The following TNKS2 variants were observed in gnomAD, a reference collection of about 807,000 sequenced individuals.
The protein encoded by TNKS2 is tankyrase 2, also known as poly [ADP-ribose] polymerase tankyrase-2.
Under a neutral mutation model 137.6 loss-of-function variants are expected in TNKS2, and 72 were observed. That is an observed-to-expected ratio of 0.52 (90% CI 0.43 to 0.64). The LOEUF (loss-of-function observed/expected upper bound fraction) is 0.64. Among genes scored for constraint, TNKS2 ranks in the 30% least tolerant of loss-of-function variants. The pLI, the probability that TNKS2 is intolerant of heterozygous loss-of-function variation, is 0.00. For missense variants in TNKS2, 1,049 were observed against 1,410.2 expected, an observed-to-expected ratio of 0.74 and a Z score of 4.10; for synonymous variants, 516 against 512.1, an observed-to-expected ratio of 1.01 and a Z score of -0.10.
intron 17 of TNKS2, 134 bp downstream of exon 17, chr10:91,845,162 A>T: frequency 1.5e-6 from 1 of 678,668 alleles, no homozygotes; most frequent in Non-Finnish European, 2.6e-6. Context: ...AAGTTAAATA[A>T]CTTCCAAATT....
At chr10:91,806,725 A>G (rs985629612) in intron 1 of TNKS2, among the ~76,000 whole-genome samples, 9 of 152,356 alleles carry the variant, frequency 5.9e-5, no homozygotes, top group Admixed American at 2.0e-4. Flanking sequence ...GGTTAATTCC[A>G]ATTACCATAT....
At chr10:91,831,508 T>A (rs1334296976) in intron 11 of TNKS2, among the ~76,000 whole-genome samples, 3 of 152,208 alleles carry the variant, frequency 2.0e-5, no homozygotes, top group Admixed American at 1.3e-4. Context: ...CTTCTAATTC[T>A]TGGTTGTCAT....
rs574380261 is a variant in TNKS2 at position 91,848,296 on chromosome 10, T to G, written c.2359-87T>G. The G allele has an allele frequency of 7.1e-5, 100 of 1,404,644 alleles. No individual in the cohort carries two copies. In the African/African-American group the frequency reaches 1.4e-3, roughly 20 times the overall value. The allele number at this position is 1,404,644 out of a possible 1,614,324, so 87.0% of individuals were successfully genotyped here. A position where few individuals can be genotyped will look rare whatever the true frequency, so the allele number is the denominator to read the frequency against. ...TAGTACTGGCACAAATTGCTGGGTT[T>G]TCTCATATTTTTAAATATATTTTAT... On this transcript the variant is annotated intron_variant, in intron 18 of 26. Transcript: ENST00000371627.
At chr10:91,829,315 T>G (rs1162309120) in intron 9 of TNKS2, among the ~76,000 whole-genome samples, 1 of 151,542 alleles carries the variant, frequency 6.6e-6, no homozygotes, top group Non-Finnish European at 1.5e-5. Context: ...TGTAGACTAA[T>G]AAGAAATGCT....
rs1359699027 is a variant in TNKS2, at chr10:91,864,890, G to A, written c.*1891G>A. The A allele has an allele frequency of 6.6e-6, 1 of 152,508 alleles. No homozygotes were observed. The highest frequency in any genetic ancestry group is 1.5e-5 in the Non-Finnish European group (1 of 68,012). 9.4% of individuals were successfully genotyped at this position (152,508 alleles called of 1,614,324 possible). A position where few individuals can be genotyped will look rare whatever the true frequency, so the allele number is the denominator to read the frequency against. ...ATTACTCACCCTATGAGTGAATCTG[G>A]AATTGCTTTTCATGTGAAATCATTG... On this transcript the variant is annotated 3_prime_UTR_variant, in exon 27 of 27. Transcript: ENST00000371627.
chr10:91,853,862 C>T (rs2133676826), intron 21 of TNKS2, among the ~76,000 whole-genome samples: 1 of 152,310 alleles, frequency 6.6e-6, no homozygotes, highest in Non-Finnish European at 1.5e-5. Flanking sequence ...CTTCCATGCA[C>T]TAACCCAGCA....
chr10:91,805,552 A>T (rs1372301245), intron 1 of TNKS2, among the ~76,000 whole-genome samples: 1 of 152,020 alleles, frequency 6.6e-6, no homozygotes, highest in Non-Finnish European at 1.5e-5. Flanking sequence ...TAGATCACCA[A>T]TCCTTTGGGA....
Position 91,828,301 on chromosome 10 carries a change from C to G in TNKS2, c.999C>G (p.His333Gln), listed in dbSNP as rs193025940. ...TTCATCTAGATGAATTTAAAGGCCA[C>G]TCGTTGCTGCAAGCTGCACGAGAAG... ...KERLAYEFKG[H>Q]SLLQAAREAD... The change falls in exon 9 of 27, where the codon CAC becomes CAG. Residue 333 changes from histidine (H) to glutamine (Q), a missense_variant. Transcript: ENST00000371627. 6.3e-7 allele frequency: 1 copy of G among 1,586,890 alleles called. No individual in the cohort carries two copies.
chr10:91,859,985 T>C (rs1338118894), intron 25 of TNKS2, among the ~76,000 whole-genome samples: 2 of 152,170 alleles, frequency 1.3e-5, no homozygotes, highest in South Asian at 2.1e-4. Context: ...AAAAATCTAG[T>C]ATTCAAATGC....
At position 91,845,894 on chromosome 10, in the gene TNKS2, C is replaced by A; in HGVS notation, c.2312C>A (p.Pro771Gln). 2 of 1,588,190 alleles carry A rather than the reference C, an allele frequency of 1.3e-6. No individual in the cohort carries two copies. Among genetic ancestry groups the A allele is most frequent in the South Asian group, 1.1e-5 (1 of 88,668 alleles). ...CALLLAHGADPTLKNQEGQTP... is the reference protein window; with the variant it reads ...CALLLAHGADQTLKNQEGQTP... The stretch of plus-strand genomic sequence containing the variant: ...TTGTTGCTAGCCCATGGAGCTGACC[C>A]GACTCTTAAAAATCAGGAAGGACAA... Residue 771 changes from proline to glutamine, a missense_variant, in exon 18 of 27, where the codon CCG (proline) becomes CAG (glutamine). Coordinates refer to ENST00000371627, the MANE Select transcript of TNKS2 (RefSeq NM_025235.4).
intron 13 of TNKS2, among the ~76,000 whole-genome samples, 190 bp from the exon 14 acceptor site, chr10:91,840,371 G>A (rs1404553660): frequency 6.6e-6 from 1 of 151,952 alleles, no homozygotes; most frequent in East Asian, 1.9e-4. Flanking sequence ...AAAAGGGCAT[G>A]GATGAGAGGA....
Position 91,798,775 on chromosome 10 carries a change from T to C in TNKS2, c.85T>C (p.Phe29Leu). The change falls in exon 1 of 27, where the codon TTC becomes CTC. Residue 29 changes from phenylalanine (F) to leucine (L), a missense_variant. By Grantham distance (22) the Phe-to-Leu change is conservative. This residue lies in a region of TNKS2 where 374 missense variants were observed against 460.8 expected (regional missense o/e 0.81). Transcript: ENST00000371627. ...EAVEPAAREL[F>L]EACRNGDVER... ...CGTGGAGCCGGCCGCCCGAGAGCTG[T>C]TCGAGGCGTGCCGCAACGGGGACGT... 1 of 1,282,870 alleles carries C rather than the reference T, an allele frequency of 7.8e-7. No homozygotes were observed. The highest frequency in any genetic ancestry group is 2.8e-5 in the South Asian group (1 of 35,622). The allele number at this position is 1,282,870 out of a possible 1,614,324, so 79.5% of individuals were successfully genotyped here.
chr10:91,853,491 A>C (rs1842614296), intron 21 of TNKS2, among the ~76,000 whole-genome samples: 2 of 152,174 alleles, frequency 1.3e-5, no homozygotes, highest in Admixed American at 1.3e-4. Flanking sequence ...GGGATTCTGT[A>C]CTTACACCTG....
intron 12 of TNKS2, among the ~76,000 whole-genome samples, chr10:91,836,242 G>A (rs1842015719): frequency 6.6e-6 from 1 of 151,376 alleles, no homozygotes; most frequent in Non-Finnish European, 1.5e-5. Context: ...TTTTTTTGAT[G>A]CTGCTTTTGA....
chr10:91,831,379 T>A (rs942578363), intron 11 of TNKS2, among the ~76,000 whole-genome samples, 198 bp downstream of exon 11: 1 of 152,248 alleles, frequency 6.6e-6, no homozygotes, highest in African/African-American at 2.4e-5. Context: ...TTTATTCAGA[T>A]ACACATTCCT....
chr10:91,799,273 A>C (rs374085208), intron 1 of TNKS2, among the ~76,000 whole-genome samples: 1 of 152,204 alleles, frequency 6.6e-6, no homozygotes, highest in Admixed American at 6.5e-5. Context: ...GTTACCTCCA[A>C]AATTTTTCGT....
chr10:91,812,763 C>T (rs1844550279), intron 1 of TNKS2: 6 of 985,040 alleles, frequency 6.1e-6, no homozygotes, highest in Non-Finnish European at 7.2e-6. Flanking sequence ...CCACCCAAGG[C>T]ACTGCTTAGG....
intron 23 of TNKS2, among the ~76,000 whole-genome samples, chr10:91,856,943 A>T (rs1842723613): frequency 1.3e-5 from 2 of 152,100 alleles, no homozygotes; most frequent in Non-Finnish European, 2.9e-5. Context: ...TGCGGACAAA[A>T]ATTTTCTGAA....
intron 1 of TNKS2, chr10:91,807,332 C>A (rs7093641): frequency 0.12 from 191,859 of 1,613,340 alleles, 15,135 homozygotes; most frequent in African/African-American, 0.37. Context: ...CACACAAGTT[C>A]CCATCAGAAT....
Sources: allele counts gnomAD v4.1 joint callset (sites outside exome capture counted in the v4.1 genomes callset), GRCh38; gene constraint gnomAD v4.1.1; regional missense constraint gnomAD v4.1.1; transcripts MANE v1.5; gene names NCBI Gene and HGNC (gene_info 2026-07-23, HGNC 2026-07-21).